TPD52L3: variants seen among roughly 807,000 people sequenced by gnomAD.
TPD52L3 encodes the protein tumor protein D55.
TPD52L3 carries 12 observed loss-of-function variants against 8.7 expected under a neutral mutation model. The observed-to-expected ratio is 1.38, with a 90% confidence interval of 0.89 to 2.24. TPD52L3 has a LOEUF of 2.24. TPD52L3 is among the 30% of genes most tolerant of loss of function. The probability of loss-of-function intolerance (pLI) is 0.00; values close to 1 mark genes in which losing one functional copy is unlikely to be tolerated. For synonymous variants in TPD52L3, 79 were observed against 66.8 expected (o/e 1.18, Z -0.89); for missense variants, 207 against 158.7 (o/e 1.30, Z -1.64).
intron 1 of TPD52L3, 156 bp downstream of exon 1, chr9:6,329,118 A>G: frequency 6.6e-7 from 1 of 1,512,008 alleles, no homozygotes; most frequent in Non-Finnish European, 8.8e-7. Flanking sequence ...AGCCACTCCC[A>G]GTTCTGGAGA....
rs1268324744 is a variant in TPD52L3 at position 6,331,325 on chromosome 9, G to C, written c.*306G>C. 1.3e-5 allele frequency: 3 copies of C among 225,114 alleles called. No individual in the cohort carries two copies. The highest frequency in any genetic ancestry group is 5.6e-5 in the Admixed American group (1 of 18,014). 13.9% of individuals were successfully genotyped at this position (225,114 alleles called of 1,614,324 possible). On this transcript the variant is annotated 3_prime_UTR_variant, in exon 2 of 2. Transcript: ENST00000314556. ...AACTCTGTCTTGGTAGGTCAGTAAAGACTTTAGAGAGACAGAAAGTCTTAG... is the reference window on the plus strand; with the variant it reads ...AACTCTGTCTTGGTAGGTCAGTAAACACTTTAGAGAGACAGAAAGTCTTAG...
Position 6,328,749 on chromosome 9 carries a change from G to T in TPD52L3, c.154G>T (p.Ala52Ser), listed in dbSNP as rs1258370248. Residue 52 changes from alanine to serine, a missense_variant, in exon 1 of 2, where the codon GCC becomes TCC. By Grantham distance (99) the Ala-to-Ser change is moderately conservative. Transcript: ENST00000314556. The part of the protein sequence containing the change: ...EIVTLRHVLA[A>S]KERRCGELKR... The stretch of plus-strand genomic sequence containing the variant: ...TGTAACCCTACGCCACGTACTAGCA[G>T]CCAAAGAGAGACGCTGTGGGGAACT... 1.2e-6 allele frequency: 2 copies of T among 1,614,160 alleles called. No individual in the cohort carries two copies. Among genetic ancestry groups the T allele is most frequent in the East Asian group, 2.2e-5 (1 of 44,864 alleles).
intron 1 of TPD52L3, chr9:6,330,025 A>G: frequency 7.2e-7 from 1 of 1,387,624 alleles, no homozygotes; most frequent in Non-Finnish European, 9.4e-7. Flanking sequence ...GAGGGGCTGG[A>G]GGAAAACAGG....
Position 6,330,234 on chromosome 9 carries a change from A to T in TPD52L3, c.368-742A>T, listed in dbSNP as rs779389238. On this transcript the variant is annotated intron_variant, in intron 1 of 1. Coordinates refer to ENST00000314556, the MANE Select transcript of TPD52L3 (RefSeq NM_001001874.3). ...TATAACCCTCTGGAGAGCTCAAGAC[A>T]GTAGGAACCTGGACGGTGCTTGTTT... 38 of 1,611,340 alleles carry T rather than the reference A, an allele frequency of 2.4e-5. 1 individual carries two copies. The South Asian group carries it at 4.1e-4, about 17-fold the overall frequency.
At chr9:6,330,742 G>C in intron 1 of TPD52L3, 1 of 1,293,844 alleles carries the variant, frequency 7.7e-7, no homozygotes, top group Non-Finnish European at 9.8e-7. Context: ...AGGTGAGCCT[G>C]CAGCATACAA....
At chr9:6,330,041 C>A in intron 1 of TPD52L3, 1 of 1,438,932 alleles carries the variant, frequency 6.9e-7, no homozygotes, top group Non-Finnish European at 9.1e-7. Flanking sequence ...ACAGGTATAG[C>A]CAAATTCAAG....
intron 1 of TPD52L3, chr9:6,329,940 C>T (rs2130617817): frequency 7.7e-7 from 1 of 1,298,214 alleles, no homozygotes; most frequent in Non-Finnish European, 9.8e-7. Flanking sequence ...CATGTCTTTG[C>T]CATAGCAGCA....
chr9:6,328,827 A>C lies in TPD52L3; in HGVS notation c.232A>C (p.Lys78Gln). ...GGTAGGGCTGAGACAGAATCTGTCC[A>C]AGAGCTGGCTTGATGTTCAGGTCTC... is the stretch of plus-strand genomic sequence containing the variant. ...ALVGLRQNLS[K>Q]SWLDVQVSNT... Residue 78 changes from lysine to glutamine, a missense_variant, in exon 1 of 2, where the codon AAG (lysine) becomes CAG (glutamine). Lys to Gln is a moderately conservative substitution (Grantham distance 53). Coordinates refer to ENST00000314556, the MANE Select transcript of TPD52L3 (RefSeq NM_001001874.3). The C allele has an allele frequency of 6.2e-7, 1 of 1,614,210 alleles. No individual in the cohort carries two copies. Among genetic ancestry groups the C allele is most frequent in the Non-Finnish European group, 8.5e-7 (1 of 1,180,032 alleles).
rs766811124 is a variant in TPD52L3, at chr9:6,328,730, C to T, written c.135C>T (p.Thr45=). Reference sequence around the variant, plus strand: ...CTAAATTGGAGGCTGAAATTGTAACCCTACGCCACGTACTAGCAGCCAAAG... The same window carrying T: ...CTAAATTGGAGGCTGAAATTGTAACTCTACGCCACGTACTAGCAGCCAAAG... The part of the protein sequence containing the change: ...KLTKLEAEIV[T]LRHVLAAKER... Residue 45 remains threonine (T), a synonymous_variant, in exon 1 of 2, where the codon ACC becomes ACT. Transcript: ENST00000314556. The T allele has an allele frequency of 1.9e-6, 3 of 1,614,020 alleles. No homozygotes were observed. Among genetic ancestry groups the T allele is most frequent in the Non-Finnish European group, 2.5e-6 (3 of 1,180,032 alleles).
At chr9:6,330,168 G>A in intron 1 of TPD52L3, 3 of 1,613,934 alleles carry the variant, frequency 1.9e-6, no homozygotes, top group Non-Finnish European at 2.5e-6. Flanking sequence ...CTCCAAGTCT[G>A]CCCTTCTTTT....
Position 6,328,431 on chromosome 9 carries a change from G to T in TPD52L3, c.-165G>T. 1 of 800,930 alleles carries T rather than the reference G, an allele frequency of 1.2e-6. No homozygotes were observed. The highest frequency in any genetic ancestry group is 2.5e-5 in the East Asian group (1 of 39,894). The allele number at this position is 800,930 out of a possible 1,614,324, so 49.6% of individuals were successfully genotyped here. A position where few individuals can be genotyped will look rare whatever the true frequency, so the allele number is the denominator to read the frequency against. On this transcript the variant is annotated 5_prime_UTR_variant, in exon 1 of 2. Coordinates refer to ENST00000314556, the MANE Select transcript of TPD52L3 (RefSeq NM_001001874.3). ...TGTCCATTGTACCAGCTGGGCCATG[G>T]ATCCCTCCCGCCTGAAATCTGACTC... is the stretch of plus-strand genomic sequence containing the variant.
chr9:6,329,544 G>C, intron 1 of TPD52L3: 2 of 1,006,502 alleles, frequency 2.0e-6, no homozygotes, highest in Non-Finnish European at 2.4e-6. Context: ...CTTGAAAGAG[G>C]TATGAAGTAA....
At position 6,328,409 on chromosome 9, in the gene TPD52L3, C is replaced by A; in HGVS notation, c.-187C>A. 1 of 601,524 alleles carries A rather than the reference C, an allele frequency of 1.7e-6. No homozygotes were observed. The allele number at this position is 601,524 out of a possible 1,614,324, so 37.3% of individuals were successfully genotyped here. A position where few individuals can be genotyped will look rare whatever the true frequency, so the allele number is the denominator to read the frequency against. ...GTCGTCAACTCAACTGTCAAGGTGT[C>A]CATTGTACCAGCTGGGCCATGGATC... On this transcript the variant is annotated 5_prime_UTR_variant, in exon 1 of 2. Transcript: ENST00000314556.
rs1314727794 is a variant in TPD52L3 at position 6,331,046 on chromosome 9, G to A, written c.*27G>A. The A allele has an allele frequency of 6.2e-7, 1 of 1,600,772 alleles. No individual in the cohort carries two copies. The highest frequency in any genetic ancestry group is 8.5e-7 in the Non-Finnish European group (1 of 1,171,618). On this transcript the variant is annotated 3_prime_UTR_variant, in exon 2 of 2. Coordinates refer to ENST00000314556, the MANE Select transcript of TPD52L3 (RefSeq NM_001001874.3). ...ATCATATACTTCAGACATCAAATATGGAATCCAAGAGACTATCAACAACAT... is the reference window on the plus strand; with the variant it reads ...ATCATATACTTCAGACATCAAATATAGAATCCAAGAGACTATCAACAACAT...
chr9:6,330,214 C>A (rs1455751008), intron 1 of TPD52L3: 2 of 1,613,840 alleles, frequency 1.2e-6, no homozygotes, highest in African/African-American at 1.3e-5. Context: ...CAGAATATAA[C>A]CCTCTGGAGA....
At chr9:6,329,269 G>A in intron 1 of TPD52L3, 5 of 1,299,898 alleles carry the variant, frequency 3.8e-6, no homozygotes, top group Non-Finnish European at 4.9e-6. Flanking sequence ...AAACCACAAT[G>A]GTAAAGTGGT....
rs1490659443 is a variant in TPD52L3, at chr9:6,331,479, G to C, written c.*460G>C. 1 of 152,932 alleles carries C rather than the reference G, an allele frequency of 6.5e-6. No homozygotes were observed. Among genetic ancestry groups the C allele is most frequent in the African/African-American group, 2.4e-5 (1 of 41,448 alleles). 9.5% of individuals were successfully genotyped at this position (152,932 alleles called of 1,614,324 possible). On this transcript the variant is annotated 3_prime_UTR_variant, in exon 2 of 2. Transcript: ENST00000314556. ...ACTAACACTGTGGCTAGAGAGGAAG[G>C]GGAAATGGTGTTACATGAGTGAGGG... is the stretch of plus-strand genomic sequence containing the variant.
At position 6,329,037 on chromosome 9, in the gene TPD52L3, G is replaced by C. The variant is rs547029725; in HGVS notation, c.367+75G>C. 3.7e-5 allele frequency: 59 copies of C among 1,608,962 alleles called. No homozygotes were observed. In the South Asian group the frequency reaches 5.4e-4, roughly 15 times the overall value. On this transcript the variant is annotated intron_variant, in intron 1 of 1. Coordinates refer to ENST00000314556, the MANE Select transcript of TPD52L3 (RefSeq NM_001001874.3). ...GCCCTGACTGTCTTTCTTCTGCGGA[G>C]GGTGGGGTTGATCTGCTCTCAGTTT...
rs1253453597 is a variant in TPD52L3 at position 6,331,774 on chromosome 9, G to A, written c.*755G>A. On this transcript the variant is annotated 3_prime_UTR_variant, in exon 2 of 2. Transcript: ENST00000314556. ...GGGGATAAATTTGCAAGATAATAAG[G>A]ATGTAGAATTGAAAAGGCCTGATAT... is the stretch of plus-strand genomic sequence containing the variant. 6.6e-6 allele frequency: 1 copy of A among 152,144 alleles called. No homozygotes were observed. The highest frequency in any genetic ancestry group is 2.4e-5 in the African/African-American group (1 of 41,422). The allele number at this position is 152,144 out of a possible 1,614,324, so 9.4% of individuals were successfully genotyped here.
Sources: allele counts gnomAD v4.1 joint callset, GRCh38; gene constraint gnomAD v4.1.1; transcripts MANE v1.5; gene names NCBI Gene and HGNC (gene_info 2026-07-23, HGNC 2026-07-21).